Variants in LRRC4C observed in about 807,000 individuals in gnomAD.
LRRC4C encodes leucine rich repeat containing 4C.
Under a neutral mutation model 33.6 loss-of-function variants are expected in LRRC4C, and 5 were observed. That is an observed-to-expected ratio of 0.15 (90% CI 0.08 to 0.31). LRRC4C has a LOEUF of 0.31. LRRC4C is among the 10% of genes least tolerant of loss of function. The pLI is 1.00. For synonymous variants in LRRC4C, 329 were observed against 302.0 expected, an observed-to-expected ratio of 1.09 and a Z score of -0.93; for missense variants, 560 against 796.7, an observed-to-expected ratio of 0.70 and a Z score of 3.58.
chr11:41,165,183 C>T (rs925010030), intron 1 of LRRC4C, among the ~76,000 whole-genome samples: 1 of 152,086 alleles, frequency 6.6e-6, no homozygotes, highest in Non-Finnish European at 1.5e-5. Flanking sequence ...CTGGTCCCAC[C>T]TTTCTCTCTC....
At chr11:41,296,042 C>T (rs148606179) in intron 1 of LRRC4C, among the ~76,000 whole-genome samples, 183 of 152,288 alleles carry the variant, frequency 1.2e-3, no homozygotes, top group African/African-American at 4.1e-3. Context: ...GGATCACTCT[C>T]TTTCAGAGCT....
chr11:41,345,484 A>G (rs1220679952), intron 1 of LRRC4C, among the ~76,000 whole-genome samples: 1 of 152,242 alleles, frequency 6.6e-6, no homozygotes, highest in Non-Finnish European at 1.5e-5. Context: ...TGTAGGATCC[A>G]GTCTAAACTG....
chr11:41,353,557 G>A (rs996164801), intron 1 of LRRC4C, among the ~76,000 whole-genome samples: 3 of 151,916 alleles, frequency 2.0e-5, no homozygotes, highest in Non-Finnish European at 1.5e-5. Flanking sequence ...AAACCTGGAA[G>A]TGATAGAATT....
In LRRC4C at chr11:40,645,992, A is replaced by G. The variant is rs563110357; in HGVS notation, c.-270+2150T>C. 4.0e-5 allele frequency among the ~76,000 whole-genome samples: 6 copies of G among 150,584 alleles called. No individual in the cohort carries two copies. The South Asian group carries it at 1.0e-3, about 26-fold the overall frequency. On this transcript the variant is annotated intron_variant, in intron 3 of 6. Transcript: ENST00000528697. ...TTACTTTTGTCCCTGCATCCAGGAT[A>G]TCCACTTCCTGTAATTACTACCTTT...
chr11:41,171,533 T>C (rs1230029162), intron 1 of LRRC4C, among the ~76,000 whole-genome samples: 4 of 140,136 alleles, frequency 2.9e-5, no homozygotes, highest in Admixed American at 2.3e-4. Flanking sequence ...TTCTCACTCA[T>C]AGGTGGGAAT....
chr11:40,723,414 G>A (rs547390860), intron 2 of LRRC4C, among the ~76,000 whole-genome samples: 266 of 152,168 alleles, frequency 1.7e-3, no homozygotes, highest in African/African-American at 6.0e-3. Flanking sequence ...AGATTTCTCA[G>A]CAGGAAACTT....
chr11:40,626,636 A>T (rs1962954470), intron 3 of LRRC4C, among the ~76,000 whole-genome samples: 1 of 152,216 alleles, frequency 6.6e-6, no homozygotes, highest in Non-Finnish European at 1.5e-5. Context: ...AGACTTGTAC[A>T]TCATTAACAT....
chr11:40,659,222 G>C (rs1943294099), intron 2 of LRRC4C, among the ~76,000 whole-genome samples: 1 of 152,242 alleles, frequency 6.6e-6, no homozygotes, highest in Non-Finnish European at 1.5e-5. Flanking sequence ...TGCACTTGGA[G>C]CAGTGCTGAC....
At chr11:40,160,055 C>T (rs956098030) in intron 5 of LRRC4C, among the ~76,000 whole-genome samples, 14 of 152,208 alleles carry the variant, frequency 9.2e-5, no homozygotes, top group African/African-American at 3.4e-4. Flanking sequence ...GCCAGGGAAC[C>T]AAGACACAGT....
At chr11:40,344,277 G>A (rs1243273293) in intron 3 of LRRC4C, among the ~76,000 whole-genome samples, 2 of 152,028 alleles carry the variant, frequency 1.3e-5, no homozygotes, top group Admixed American at 6.6e-5. Context: ...ACCAAACCCA[G>A]CAGCACATTA....
At chr11:40,606,290 G>A (rs1837185723) in intron 3 of LRRC4C, among the ~76,000 whole-genome samples, 1 of 152,164 alleles carries the variant, frequency 6.6e-6, no homozygotes, top group African/African-American at 2.4e-5. Context: ...AAAGGAGCAA[G>A]AGATTACCAG....
chr11:41,375,419 T>C (rs1022718787), intron 1 of LRRC4C, among the ~76,000 whole-genome samples: 18 of 152,090 alleles, frequency 1.2e-4, no homozygotes, highest in African/African-American at 4.3e-4. Context: ...TGTTAGTAGG[T>C]ATGAAATAGG....
chr11:40,993,995 G>T (rs184789616), intron 1 of LRRC4C, among the ~76,000 whole-genome samples: 1 of 151,540 alleles, frequency 6.6e-6, no homozygotes, highest in South Asian at 2.1e-4. Flanking sequence ...AACGGGAACT[G>T]GATGGGGCAT....
intron 1 of LRRC4C, among the ~76,000 whole-genome samples, chr11:41,018,020 C>T (rs1855712088): frequency 6.6e-6 from 1 of 151,892 alleles, no homozygotes; most frequent in South Asian, 2.1e-4. Context: ...ATCCCATGGG[C>T]TCAACATTAT....
At chr11:40,832,860 A>G (rs1952481960) in intron 2 of LRRC4C, among the ~76,000 whole-genome samples, 2 of 152,170 alleles carry the variant, frequency 1.3e-5, no homozygotes, top group African/African-American at 4.8e-5. Context: ...TGCTATGCCT[A>G]TTAATATAAA....
chr11:40,830,644 C>CTGGA (rs1161823842), intron 2 of LRRC4C, among the ~76,000 whole-genome samples: 1 of 152,034 alleles, frequency 6.6e-6, no homozygotes, highest in Non-Finnish European at 1.5e-5. Flanking sequence ...GGAGAACAGA[C>CTGGA]TGGAGAGGGT....
At chr11:41,233,893 G>T (rs2136484149) in intron 1 of LRRC4C, among the ~76,000 whole-genome samples, 1 of 151,776 alleles carries the variant, frequency 6.6e-6, no homozygotes, top group East Asian at 1.9e-4. Context: ...TAGATTAAGG[G>T]GGCAGGAGGG....
At chr11:41,391,743 A>G (rs1953605242) in intron 1 of LRRC4C, among the ~76,000 whole-genome samples, 1 of 151,942 alleles carries the variant, frequency 6.6e-6, no homozygotes, top group African/African-American at 2.4e-5. Flanking sequence ...GGAAATAAAA[A>G]GTAAACACAT....
intron 1 of LRRC4C, among the ~76,000 whole-genome samples, chr11:41,004,985 A>C (rs1565292193): frequency 6.9e-6 from 1 of 144,044 alleles, no homozygotes; most frequent in Non-Finnish European, 1.5e-5. Context: ...TTGTTTTTAT[A>C]ACTTTCATTA....
Sources: allele counts gnomAD v4.1 joint callset (sites outside exome capture counted in the v4.1 genomes callset), GRCh38; gene constraint gnomAD v4.1.1; transcripts MANE v1.5; gene names NCBI Gene and HGNC (gene_info 2026-07-23, HGNC 2026-07-21).